Variants in OR14J1 observed in about 807,000 individuals in gnomAD.
The protein encoded by OR14J1 is olfactory receptor family 14 subfamily J member 1, also known as olfactory receptor 14J1.
For synonymous variants in OR14J1, 140 were observed against 146.7 expected (o/e 0.95, Z 0.33); for missense variants, 378 against 393.4 (o/e 0.96, Z 0.33).
rs367852868 is a variant in OR14J1 at position 29,307,053 on chromosome 6, G to A, written c.364G>A (p.Ala122Thr). 8.1e-6 allele frequency: 13 copies of A among 1,612,906 alleles called. No homozygotes were observed. The highest frequency in any genetic ancestry group is 4.5e-5 in the East Asian group (2 of 44,878). Residue 122 changes from alanine (A) to threonine (T), a missense_variant, in exon 2 of 2, where the codon GCA (alanine) becomes ACA (threonine). By Grantham distance (58) the Ala-to-Thr change is moderately conservative. Transcript: ENST00000641895. ...ILTVMSYDRY[A>T]AICQPLHYET... Reference sequence around the variant, plus strand: ...CACAGTGATGTCTTATGACAGGTACGCAGCAATCTGTCAACCACTTCATTA... The same window carrying A: ...CACAGTGATGTCTTATGACAGGTACACAGCAATCTGTCAACCACTTCATTA...
At position 29,307,906 on chromosome 6, in the gene OR14J1, G is replaced by T; in HGVS notation, c.*251G>T. On this transcript the variant is annotated 3_prime_UTR_variant, in exon 2 of 2. Coordinates refer to ENST00000641895, the MANE Select transcript of OR14J1 (RefSeq NM_030946.2). Reference sequence around the variant, plus strand: ...AGAAAGACAATTAGTTTGGAGTCTGGCCTGTATAATTTAAAACTTGTTATT... The same window carrying T: ...AGAAAGACAATTAGTTTGGAGTCTGTCCTGTATAATTTAAAACTTGTTATT... 2.7e-6 allele frequency: 1 copy of T among 367,188 alleles called. No individual in the cohort carries two copies. The highest frequency in any genetic ancestry group is 4.9e-6 in the Non-Finnish European group (1 of 205,880). 22.7% of individuals were successfully genotyped at this position (367,188 alleles called of 1,614,324 possible).
chr6:29,307,546 T>C lies in OR14J1; in HGVS notation c.857T>C (p.Val286Ala). Residue 286 changes from valine (V) to alanine (A), a missense_variant, in exon 2 of 2, where the codon GTC (valine) becomes GCC (alanine). By Grantham distance (64) the Val-to-Ala change is moderately conservative. Transcript: ENST00000641895. ...YTVIPPTLNPVIYSLRNDSMK... is the reference protein window; with the variant it reads ...YTVIPPTLNPAIYSLRNDSMK... ...GTGATACCTCCAACACTCAATCCAG[T>C]CATTTATAGCTTACGGAATGATTCC... 3 of 1,612,914 alleles carry C rather than the reference T, an allele frequency of 1.9e-6. No individual in the cohort carries two copies. Among genetic ancestry groups the C allele is most frequent in the Non-Finnish European group, 2.5e-6 (3 of 1,179,968 alleles).
In OR14J1 at chr6:29,307,099, G is replaced by A. The variant is rs753138884; in HGVS notation, c.410G>A (p.Arg137His). The change falls in exon 2 of 2, where the codon CGT becomes CAT. Residue 137 changes from arginine to histidine, a missense_variant. Transcript: ENST00000641895. The stretch of plus-strand genomic sequence containing the variant: ...CATTATGAGACTATTATGGATCCCC[G>A]TGCCTGTAGGCATGCAGTGATAGCT... ...PLHYETIMDP[R>H]ACRHAVIAVW... 14 of 1,612,860 alleles carry A rather than the reference G, an allele frequency of 8.7e-6. No individual in the cohort carries two copies. The highest frequency in any genetic ancestry group is 5.3e-5 in the African/African-American group (4 of 74,886).
chr6:29,302,511 A>G (rs908703752), intron 1 of OR14J1, among the ~76,000 whole-genome samples: 3 of 152,112 alleles, frequency 2.0e-5, no homozygotes, highest in Non-Finnish European at 1.5e-5. Flanking sequence ...GGACTTCCAG[A>G]CAGGAGGGAT....
At position 29,307,257 on chromosome 6, in the gene OR14J1, G is replaced by C. The variant is rs757788186; in HGVS notation, c.568G>C (p.Glu190Gln). 1.9e-6 allele frequency: 3 copies of C among 1,612,756 alleles called. No homozygotes were observed. The highest frequency in any genetic ancestry group is 2.5e-6 in the Non-Finnish European group (3 of 1,179,968). Residue 190 changes from glutamate to glutamine, a missense_variant, in exon 2 of 2, where the codon GAA becomes CAA. Physicochemically the swap from Glu to Gln is conservative, Grantham distance 29. Coordinates refer to ENST00000641895, the MANE Select transcript of OR14J1 (RefSeq NM_030946.2). ...GATGCTGAAACTAGCCTGTTCTTAT[G>C]AATTCATTAATGAGATTGCACTGGC... ...PQMLKLACSYEFINEIALAAF... is the reference protein window; with the variant it reads ...PQMLKLACSYQFINEIALAAF...
At chr6:29,305,574 A>T (rs1409277551) in intron 1 of OR14J1, among the ~76,000 whole-genome samples, 1 of 152,180 alleles carries the variant, frequency 6.6e-6, no homozygotes, top group Non-Finnish European at 1.5e-5. Flanking sequence ...GCACAGATTT[A>T]AAAAGAAAAA....
At position 29,307,618 on chromosome 6, in the gene OR14J1, A is replaced by G. The variant is rs780011406; in HGVS notation, c.929A>G (p.Gln310Arg). 63 of 1,605,044 alleles carry G rather than the reference A, an allele frequency of 3.9e-5. No homozygotes were observed. Among genetic ancestry groups the G allele is most frequent in the East Asian group, 3.6e-4 (16 of 44,892 alleles). Residue 310 changes from glutamine (Q) to arginine (R), a missense_variant, in exon 2 of 2, where the codon CAG (glutamine) becomes CGG (arginine). Coordinates refer to ENST00000641895, the MANE Select transcript of OR14J1 (RefSeq NM_030946.2). ...RKMLSKEELPQRKMCLKAMFK... is the reference protein window; with the variant it reads ...RKMLSKEELPRRKMCLKAMFK... Reference sequence around the variant, plus strand: ...ATGCTGTCAAAGGAAGAGCTTCCTCAGAGAAAAATGTGCTTAAAAGCCATG... The same window carrying G: ...ATGCTGTCAAAGGAAGAGCTTCCTCGGAGAAAAATGTGCTTAAAAGCCATG...
At chr6:29,302,179 C>CTTTTTTTTTTCT (rs1774756160) in intron 1 of OR14J1, among the ~76,000 whole-genome samples, 5 of 102,064 alleles carry the variant, frequency 4.9e-5, no homozygotes, top group African/African-American at 1.5e-4. Context: ...TTTTTTTTTT[C>CTTTTTTTTTTCT]TTTTTTTTTT....
In OR14J1 at chr6:29,307,636, A is replaced by T; in HGVS notation, c.947A>T (p.Lys316Ile). Residue 316 changes from lysine (K) to isoleucine (I), a missense_variant, in exon 2 of 2, where the codon AAA (lysine) becomes ATA (isoleucine). Coordinates refer to ENST00000641895, the MANE Select transcript of OR14J1 (RefSeq NM_030946.2). Reference protein sequence around the residue: ...EELPQRKMCLKAMFKL With the variant: ...EELPQRKMCLIAMFKL ...CTTCCTCAGAGAAAAATGTGCTTAA[A>T]AGCCATGTTTAAACTCTGAAGAACC... 1 of 1,595,182 alleles carries T rather than the reference A, an allele frequency of 6.3e-7. No individual in the cohort carries two copies. Among genetic ancestry groups the T allele is most frequent in the Middle Eastern group, 1.7e-4 (1 of 6,012 alleles).
chr6:29,307,712 T>C lies in OR14J1; in HGVS notation c.*57T>C, dbSNP rs1037830113. The C allele has an allele frequency of 9.9e-7, 1 of 1,005,568 alleles. No homozygotes were observed. The highest frequency in any genetic ancestry group is 1.5e-6 in the Non-Finnish European group (1 of 677,310). The allele number at this position is 1,005,568 out of a possible 1,614,324, so 62.3% of individuals were successfully genotyped here. ...TGTTTCAGATTGGAAGAGAGGTGAA[T>C]CTTATTTCTACCCAGAATGCTCTTC... On this transcript the variant is annotated 3_prime_UTR_variant, in exon 2 of 2. Transcript: ENST00000641895.
In OR14J1 at chr6:29,309,956, GTTGT is replaced by G. The variant is rs1420654904; in HGVS notation, c.*2308_*2311del. 6.6e-6 allele frequency: 1 copy of G among 152,122 alleles called. No homozygotes were observed. The highest frequency in any genetic ancestry group is 2.4e-5 in the African/African-American group (1 of 41,440). The allele number at this position is 152,122 out of a possible 1,614,324, so 9.4% of individuals were successfully genotyped here. ...CATCCTTCGCCCACATTTTGATGGG[GTTGT>G]TTGTTTTTTTCTTGTAAATTTGTTT... On this transcript the variant is annotated 3_prime_UTR_variant, in exon 2 of 2. Transcript: ENST00000641895.
Position 29,307,693 on chromosome 6 carries a change from A to C in OR14J1, c.*38A>C. ...ATGAAAGGCATTGTTATTATGTTTCAGATTGGAAGAGAGGTGAATCTTATT... is the reference window on the plus strand; with the variant it reads ...ATGAAAGGCATTGTTATTATGTTTCCGATTGGAAGAGAGGTGAATCTTATT... On this transcript the variant is annotated 3_prime_UTR_variant, in exon 2 of 2. Coordinates refer to ENST00000641895, the MANE Select transcript of OR14J1 (RefSeq NM_030946.2). The C allele has an allele frequency of 8.3e-7, 1 of 1,206,838 alleles. No homozygotes were observed. The highest frequency in any genetic ancestry group is 1.2e-6 in the Non-Finnish European group (1 of 855,236). The allele number at this position is 1,206,838 out of a possible 1,614,324, so 74.8% of individuals were successfully genotyped here. A position where few individuals can be genotyped will look rare whatever the true frequency, so the allele number is the denominator to read the frequency against.
rs1775285853 is a variant in OR14J1, at chr6:29,308,664, A to C, written c.*1009A>C. ...TTTGTGTAATGCTGCAGATTTCTTC[A>C]AGAAAGACTCATAATTTACAAGAGT... On this transcript the variant is annotated 3_prime_UTR_variant, in exon 2 of 2. Transcript: ENST00000641895. The C allele has an allele frequency of 6.6e-6, 1 of 152,228 alleles. No individual in the cohort carries two copies. The highest frequency in any genetic ancestry group is 1.5e-5 in the Non-Finnish European group (1 of 68,040). The allele number at this position is 152,228 out of a possible 1,614,324, so 9.4% of individuals were successfully genotyped here. A position where few individuals can be genotyped will look rare whatever the true frequency, so the allele number is the denominator to read the frequency against.
At position 29,306,788 on chromosome 6, in the gene OR14J1, C is replaced by T. The variant is rs763505322; in HGVS notation, c.99C>T (p.Tyr33=). 7.4e-6 allele frequency: 12 copies of T among 1,612,972 alleles called. 1 individual carries two copies. In the South Asian group the frequency reaches 1.3e-4, roughly 18 times the overall value. The part of the protein sequence containing the change: ...ILHALVFLVT[Y]LLALTGNLLI... ...ATGCATTGGTATTTCTGGTGACATA[C>T]CTGCTGGCCTTGACAGGCAACCTCC... Residue 33 remains tyrosine, a synonymous_variant, in exon 2 of 2, where the codon TAC becomes TAT. Coordinates refer to ENST00000641895, the MANE Select transcript of OR14J1 (RefSeq NM_030946.2).
chr6:29,303,710 CTAT>C, intron 1 of OR14J1, among the ~76,000 whole-genome samples: 1 of 150,664 alleles, frequency 6.6e-6, no homozygotes, highest in East Asian at 2.0e-4. Flanking sequence ...ATCTATCTAT[CTAT>C]CTATCTATCT....
Position 29,307,475 on chromosome 6 carries a change from T to C in OR14J1, c.786T>C (p.Ser262=). The C allele has an allele frequency of 6.2e-7, 1 of 1,613,094 alleles. No individual in the cohort carries two copies. Among genetic ancestry groups the C allele is most frequent in the Non-Finnish European group, 8.5e-7 (1 of 1,180,038 alleles). ...AAGFEFLRLP[S]DSSSTVDLVF... is the part of the protein sequence containing the mutation. The stretch of plus-strand genomic sequence containing the variant: ...GCTTTGAGTTTCTCAGACTGCCTTC[T>C]GATTCCTCATCGACTGTGGACCTTG... Residue 262 remains serine (S), a synonymous_variant, in exon 2 of 2, where the codon TCT becomes TCC. Coordinates refer to ENST00000641895, the MANE Select transcript of OR14J1 (RefSeq NM_030946.2).
In OR14J1 at chr6:29,311,721, C is replaced by T. The variant is rs1404849933; in HGVS notation, c.*4066C>T. ...TTTTTGTACTTGCGGTAGAATTCGT[C>T]TGTGAATCTGTCTGGTTCTGGGCTT... On this transcript the variant is annotated 3_prime_UTR_variant, in exon 2 of 2. Transcript: ENST00000641895. 3 of 152,180 alleles carry T rather than the reference C, an allele frequency of 2.0e-5. No individual in the cohort carries two copies. The highest frequency in any genetic ancestry group is 7.2e-5 in the African/African-American group (3 of 41,444). The allele number at this position is 152,180 out of a possible 1,614,324, so 9.4% of individuals were successfully genotyped here.
At chr6:29,303,986 C>G (rs1020961204) in intron 1 of OR14J1, among the ~76,000 whole-genome samples, 1 of 152,074 alleles carries the variant, frequency 6.6e-6, no homozygotes, top group East Asian at 1.9e-4. Flanking sequence ...TAGGGTTGGT[C>G]ACTGACTTGG....
chr6:29,304,325 A>C (rs1401412571), intron 1 of OR14J1, among the ~76,000 whole-genome samples: 1 of 152,186 alleles, frequency 6.6e-6, no homozygotes, highest in Non-Finnish European at 1.5e-5. Flanking sequence ...GAGGTAAAAA[A>C]CGGAAAAGTT....
Sources: allele counts gnomAD v4.1 joint callset (sites outside exome capture counted in the v4.1 genomes callset), GRCh38; gene constraint gnomAD v4.1.1; transcripts MANE v1.5; gene names NCBI Gene and HGNC (gene_info 2026-07-23, HGNC 2026-07-21).